Variants in GRIK2 observed in about 807,000 individuals in gnomAD.
GRIK2 encodes the protein glutamate ionotropic receptor kainate type subunit 2, also known as glutamate receptor ionotropic, kainate 2.
GRIK2 carries 32 observed loss-of-function variants against 100.3 expected under a neutral mutation model. The ratio of observed to expected loss-of-function variants is 0.32; its 90% confidence interval spans 0.24 to 0.43. The LOEUF (loss-of-function observed/expected upper bound fraction) is 0.43. Among genes scored for constraint, GRIK2 ranks in the 20% least tolerant of loss-of-function variants. The pLI is 1.00. For missense variants in GRIK2, 843 were observed against 1,114.9 expected, an observed-to-expected ratio of 0.76 and a Z score of 3.47; for synonymous variants, 417 against 389.4, an observed-to-expected ratio of 1.07 and a Z score of -0.83.
chr6:101,862,654 G>T (rs191834921), intron 11 of GRIK2, among the ~76,000 whole-genome samples: 1 of 151,816 alleles, frequency 6.6e-6, no homozygotes, highest in Admixed American at 6.6e-5. Context: ...CAAACTTTTG[G>T]ACTCCAGGGA....
chr6:101,736,339 C>T (rs1775630197), intron 7 of GRIK2, among the ~76,000 whole-genome samples: 3 of 152,204 alleles, frequency 2.0e-5, no homozygotes, highest in Admixed American at 2.0e-4. Flanking sequence ...ATGTTCCGAC[C>T]CAACATCTCC....
intron 12 of GRIK2, among the ~76,000 whole-genome samples, chr6:101,899,136 G>A (rs536036795): frequency 2.0e-5 from 3 of 147,264 alleles, no homozygotes; most frequent in Non-Finnish European, 4.5e-5. Context: ...TATCGTGGCT[G>A]TCCTAAATAG....
chr6:101,595,712 G>GTATATATATATATATATATA (rs1162539380), intron 2 of GRIK2, among the ~76,000 whole-genome samples: 28 of 131,484 alleles, frequency 2.1e-4, no homozygotes, highest in African/African-American at 7.8e-4. Context: ...GTGTGTGTGT[G>GTATATATATATATATATATA]TGTGTGTATA....
chr6:101,430,820 G>C, intron 2 of GRIK2: 1 of 274,206 alleles, frequency 3.6e-6, no homozygotes, highest in Admixed American at 3.6e-5. Flanking sequence ...CCTGCTCAAA[G>C]TCTAGGGCAG....
intron 14 of GRIK2, among the ~76,000 whole-genome samples, chr6:102,022,279 T>C (rs991255911): frequency 9.2e-5 from 14 of 151,732 alleles, no homozygotes; most frequent in African/African-American, 3.4e-4. Flanking sequence ...CAGTTGTTAA[T>C]GAATTAAAAC....
intron 14 of GRIK2, among the ~76,000 whole-genome samples, chr6:102,008,902 A>G (rs1315856910): frequency 6.6e-6 from 1 of 152,090 alleles, no homozygotes; most frequent in Non-Finnish European, 1.5e-5. Flanking sequence ...ATAATATGTA[A>G]TATACATGTA....
chr6:102,013,804 T>C (rs1322121603), intron 14 of GRIK2, among the ~76,000 whole-genome samples: 14 of 152,180 alleles, frequency 9.2e-5, no homozygotes, highest in Admixed American at 9.2e-4. Context: ...TGGATTTGTT[T>C]TTGATGTGCT....
intron 14 of GRIK2, among the ~76,000 whole-genome samples, chr6:101,936,552 G>T (rs755341552): frequency 2.0e-5 from 3 of 151,990 alleles, no homozygotes; most frequent in Admixed American, 6.6e-5. Context: ...CCCAGAGGTT[G>T]TCTCCCTCCC....
At chr6:101,894,105 A>G (rs146846551) in intron 12 of GRIK2, among the ~76,000 whole-genome samples, 3 of 151,638 alleles carry the variant, frequency 2.0e-5, no homozygotes, top group Non-Finnish European at 4.4e-5. Context: ...TAATAATATT[A>G]ATTTTATTAC....
chr6:101,698,129 A>G (rs1772629600), intron 7 of GRIK2, among the ~76,000 whole-genome samples: 1 of 151,784 alleles, frequency 6.6e-6, no homozygotes, highest in African/African-American at 2.4e-5. Flanking sequence ...AACTAAATGA[A>G]TGAACATGAC....
At chr6:101,733,881 T>C (rs1008152497) in intron 7 of GRIK2, among the ~76,000 whole-genome samples, 1 of 152,106 alleles carries the variant, frequency 6.6e-6, no homozygotes, top group Non-Finnish European at 1.5e-5. Flanking sequence ...AATCCCTTGC[T>C]AATTTGTAAC....
At chr6:101,718,725 C>T (rs901836851) in intron 7 of GRIK2, among the ~76,000 whole-genome samples, 2 of 151,842 alleles carry the variant, frequency 1.3e-5, no homozygotes, top group African/African-American at 4.8e-5. Flanking sequence ...CACCTTTATT[C>T]TTACAGGAAG....
intron 7 of GRIK2, among the ~76,000 whole-genome samples, chr6:101,738,251 ACAATTGTCAAATGTCAATTGTAATTG>A (rs1202986070): frequency 1.4e-4 from 18 of 131,276 alleles, no homozygotes; most frequent in African/African-American, 5.0e-4. Flanking sequence ...ATTGTAATTG[ACAATTGTCAAATGTCAATTGTAATTG>A]TAATTGTCAA....
chr6:101,934,461 T>C (rs775581078), intron 14 of GRIK2, among the ~76,000 whole-genome samples: 3 of 151,892 alleles, frequency 2.0e-5, no homozygotes, highest in Non-Finnish European at 4.4e-5. Context: ...TGATAGTATA[T>C]GGTGGGGTGA....
chr6:101,816,647 C>T (rs1224047435), intron 9 of GRIK2, among the ~76,000 whole-genome samples: 2 of 152,208 alleles, frequency 1.3e-5, no homozygotes, highest in South Asian at 4.1e-4. Context: ...GCAGAGATTG[C>T]ACCATTGCAC....
intron 6 of GRIK2, among the ~76,000 whole-genome samples, chr6:101,683,420 C>T (rs1434308841): frequency 6.6e-6 from 1 of 152,110 alleles, no homozygotes; most frequent in Non-Finnish European, 1.5e-5. Context: ...TTTGTTTTCA[C>T]ATACCCATCA....
chr6:102,053,624 A>G (rs920575647), intron 15 of GRIK2, among the ~76,000 whole-genome samples: 1 of 152,178 alleles, frequency 6.6e-6, no homozygotes, highest in Non-Finnish European at 1.5e-5. Flanking sequence ...TAGATATTAC[A>G]TAAGTGATAT....
chr6:101,964,899 T>C (rs1008326187), intron 14 of GRIK2, among the ~76,000 whole-genome samples: 4 of 152,148 alleles, frequency 2.6e-5, no homozygotes, highest in Non-Finnish European at 4.4e-5. Flanking sequence ...AGAGAACATG[T>C]GGCAATTAGC....
At chr6:101,961,454 C>A (rs6901054) in intron 14 of GRIK2, among the ~76,000 whole-genome samples, 243 of 152,158 alleles carry the variant, frequency 1.6e-3, no homozygotes, top group African/African-American at 5.3e-3. Flanking sequence ...CCCATGCCAA[C>A]GCCCCCCACG....
Sources: gnomAD v4.1 joint callset for allele counts (sites outside exome capture counted in the v4.1 genomes callset) on GRCh38, gnomAD v4.1.1 for gene constraint, MANE v1.5 for transcripts, NCBI Gene and HGNC (gene_info 2026-07-23, HGNC 2026-07-21) for gene names.